The following PACC1 variants were observed in gnomAD, a reference collection of about 807,000 sequenced individuals.
PACC1 encodes the protein proton activated chloride channel 1.
A neutral mutation model predicts 39.7 loss-of-function variants in PACC1; 34 were observed. The ratio of observed to expected loss-of-function variants is 0.86; its 90% confidence interval spans 0.65 to 1.14. The LOEUF (loss-of-function observed/expected upper bound fraction) is 1.14. PACC1 is among the 50% of genes most tolerant of loss of function. The pLI, the probability that PACC1 is intolerant of heterozygous loss-of-function variation, is 0.00. For missense variants in PACC1, 379 were observed against 436.4 expected (o/e 0.87, Z 1.17); for synonymous variants, 127 against 160.6 (o/e 0.79, Z 1.58).
Position 212,379,968 on chromosome 1 carries a change from G to C in PACC1, c.565C>G (p.Leu189Val), listed in dbSNP as rs189375185. The C allele has an allele frequency of 1.5e-5, 24 of 1,614,226 alleles. No homozygotes were observed. In the Admixed American group the frequency reaches 2.5e-4, roughly 17 times the overall value. The change falls in exon 5 of 8, where the codon CTG (leucine) becomes GTG (valine). Residue 189 changes from leucine to valine, a missense_variant. By Grantham distance (32) the Leu-to-Val change is conservative. Transcript: ENST00000261455. ...KRELVFLQFRLNKSSEDFSAI... is the reference protein window; with the variant it reads ...KRELVFLQFRVNKSSEDFSAI... Reference sequence around the variant, plus strand: ...CTGAAGTCCTCACTACTCTTGTTCAGGCGGAACTGGAGGAAGACCAGCTCC... The same window carrying C: ...CTGAAGTCCTCACTACTCTTGTTCACGCGGAACTGGAGGAAGACCAGCTCC...
chr1:212,379,405 T>C (rs1345046110), intron 5 of PACC1, among the ~76,000 whole-genome samples: 1 of 152,226 alleles, frequency 6.6e-6, no homozygotes, highest in Admixed American at 6.5e-5. Flanking sequence ...TACACAAATT[T>C]TTGGCTGCAT....
intron 2 of PACC1, among the ~76,000 whole-genome samples, chr1:212,404,009 T>C (rs1269021368): frequency 6.6e-6 from 1 of 152,208 alleles, no homozygotes; most frequent in Non-Finnish European, 1.5e-5. Context: ...CATCAGCCTT[T>C]GCCGCAGCAT....
At position 212,386,846 on chromosome 1, in the gene PACC1, C is replaced by G. The variant is rs747369848; in HGVS notation, c.343+45G>C. ...CTCAGGGAGTATCTGCCAGCTGACACCCTAGATCTGGGGCCCTGATGCCTG... is the reference window on the plus strand; with the variant it reads ...CTCAGGGAGTATCTGCCAGCTGACAGCCTAGATCTGGGGCCCTGATGCCTG... On this transcript the variant is annotated intron_variant, in intron 3 of 7. Transcript: ENST00000261455. The surrounding 1 kb of genome is among the most constrained non-coding windows in gnomAD (Gnocchi z 5.0). 41 of 1,595,198 alleles carry G rather than the reference C, an allele frequency of 2.6e-5. No homozygotes were observed. The highest frequency in any genetic ancestry group is 3.5e-5 in the Non-Finnish European group (41 of 1,163,486).
intron 1 of PACC1, 73 bp downstream of exon 1, chr1:212,414,649 C>T: frequency 1.3e-6 from 2 of 1,579,278 alleles, no homozygotes; most frequent in Non-Finnish European, 1.7e-6. Flanking sequence ...ACCCCCCGCC[C>T]CGCATCCGCC....
In PACC1 at chr1:212,388,443, C is replaced by T. The variant is rs546758253; in HGVS notation, c.134-1343G>A. ...GTTATGGACGAAACTGTATCCCCCA[C>T]CCTCAAATTCAGGTTGAAGCCCTAA... On this transcript the variant is annotated intron_variant, in intron 2 of 7. Coordinates refer to ENST00000261455, the MANE Select transcript of PACC1 (RefSeq NM_018252.3). Among the ~76,000 whole-genome samples the T allele has an allele frequency of 5.3e-5, 8 of 152,270 alleles. No individual in the cohort carries two copies. The South Asian group carries it at 1.7e-3, about 32-fold the overall frequency.
intron 1 of PACC1, chr1:212,413,949 A>T (rs1259393264): frequency 1.3e-6 from 2 of 1,535,614 alleles, no homozygotes; most frequent in African/African-American, 2.7e-5. Context: ...GGGGCACAGA[A>T]GAGGACGGTT....
At chr1:212,378,461 A>G (rs1278316409) in intron 5 of PACC1, among the ~76,000 whole-genome samples, 1 of 152,186 alleles carries the variant, frequency 6.6e-6, no homozygotes, top group Non-Finnish European at 1.5e-5. Context: ...GTGGTGTGGA[A>G]TGGAGGCAGC....
intron 2 of PACC1, among the ~76,000 whole-genome samples, chr1:212,394,528 G>A (rs534988864): frequency 6.6e-6 from 1 of 152,148 alleles, no homozygotes; most frequent in Non-Finnish European, 1.5e-5. Flanking sequence ...ACTGGCACAA[G>A]ACAGGGATGC....
chr1:212,367,953 G>A (rs1340722419), intron 7 of PACC1, among the ~76,000 whole-genome samples: 1 of 152,106 alleles, frequency 6.6e-6, no homozygotes, highest in Non-Finnish European at 1.5e-5. Flanking sequence ...GTTTAGGAGG[G>A]ACCCAGGGTG....
chr1:212,414,813 C>A lies in PACC1; in HGVS notation c.-56G>T. On this transcript the variant is annotated 5_prime_UTR_variant, in exon 1 of 8. Coordinates refer to ENST00000261455, the MANE Select transcript of PACC1 (RefSeq NM_018252.3). The stretch of plus-strand genomic sequence containing the variant: ...ACCGCCCCAGCCCGCGGCGCACGGA[C>A]GCAGCACTGCGGCCGCTGCACCTGG... The A allele has an allele frequency of 6.2e-7, 1 of 1,602,416 alleles. No homozygotes were observed. The highest frequency in any genetic ancestry group is 8.5e-7 in the Non-Finnish European group (1 of 1,171,022).
At chr1:212,374,187 TGTG>T (rs554769346) in intron 7 of PACC1, among the ~76,000 whole-genome samples, 289 of 148,404 alleles carry the variant, frequency 1.9e-3, no homozygotes, top group African/African-American at 7.2e-3. Context: ...ATAAGGAAAA[TGTG>T]GTGTGTATAT....
chr1:212,375,843 C>T (rs1660645920), intron 6 of PACC1, among the ~76,000 whole-genome samples: 1 of 152,110 alleles, frequency 6.6e-6, no homozygotes, highest in Non-Finnish European at 1.5e-5. Context: ...CGAAATAGTG[C>T]CACTGCACTC....
chr1:212,395,733 A>G (rs1453182634), intron 2 of PACC1, among the ~76,000 whole-genome samples: 2 of 152,016 alleles, frequency 1.3e-5, no homozygotes, highest in Admixed American at 6.6e-5. Context: ...ACTCCAACAC[A>G]TTTACAAGAA....
Position 212,410,512 on chromosome 1 carries a change from C to G in PACC1, c.46G>C (p.Glu16Gln). Residue 16 changes from glutamate to glutamine, a missense_variant, in exon 2 of 8, where the codon GAG becomes CAG. By Grantham distance (29) the Glu-to-Gln change is conservative. Transcript: ENST00000261455. ...RSTSYQELSE[E>Q]LVQVVENSEL... is the part of the protein sequence containing the mutation. ...GAGTTCTCAACCACCTGGACCAACT[C>G]CTCACTCAGCTAAAGGGAGAAGCAA... The G allele has an allele frequency of 6.2e-7, 1 of 1,614,132 alleles. No homozygotes were observed. Among genetic ancestry groups the G allele is most frequent in the Non-Finnish European group, 8.5e-7 (1 of 1,179,962 alleles).
intron 4 of PACC1, among the ~76,000 whole-genome samples, chr1:212,380,503 C>A (rs773142738): frequency 7.9e-5 from 12 of 151,996 alleles, no homozygotes; most frequent in Non-Finnish European, 1.3e-4. Flanking sequence ...TCCTCTATTT[C>A]TTTATAGCAC....
intron 6 of PACC1, among the ~76,000 whole-genome samples, chr1:212,376,062 A>T (rs1264349068): frequency 6.6e-6 from 1 of 152,144 alleles, no homozygotes; most frequent in Non-Finnish European, 1.5e-5. Flanking sequence ...AGCTGCATAG[A>T]TCCACACAGC....
At chr1:212,414,622 T>C in intron 1 of PACC1, 100 bp downstream of exon 1, 2 of 1,454,758 alleles carry the variant, frequency 1.4e-6, no homozygotes, top group Non-Finnish European at 9.5e-7. Context: ...AAGAGCCCTC[T>C]GCCGCGCAGC....
chr1:212,400,180 C>G (rs964787647), intron 2 of PACC1, among the ~76,000 whole-genome samples: 4 of 152,154 alleles, frequency 2.6e-5, no homozygotes, highest in African/African-American at 9.7e-5. Flanking sequence ...ATACTACATC[C>G]AGGCTGAACA....
At chr1:212,388,884 C>A (rs1189443798) in intron 2 of PACC1, among the ~76,000 whole-genome samples, 1 of 152,148 alleles carries the variant, frequency 6.6e-6, no homozygotes, top group Non-Finnish European at 1.5e-5. Context: ...CACAGCCCAG[C>A]TGAGCACAAG....
Sources: allele counts gnomAD v4.1 joint callset (sites outside exome capture counted in the v4.1 genomes callset), GRCh38; gene constraint gnomAD v4.1.1; non-coding constraint Gnocchi (gnomAD v3.1); transcripts MANE v1.5; gene names NCBI Gene and HGNC (gene_info 2026-07-23, HGNC 2026-07-21).